The following ZNF568 variants were observed in gnomAD, a reference collection of about 807,000 sequenced individuals.
The protein encoded by ZNF568 is p53 inhibitor of SCO2 activation.
Under a neutral mutation model 18.1 loss-of-function variants are expected in ZNF568, and 11 were observed. The ratio of observed to expected loss-of-function variants is 0.61; its 90% CI spans 0.38 to 1.00. The LOEUF (loss-of-function observed/expected upper bound fraction) is 1.00. Among genes scored for constraint, ZNF568 ranks in the 50% least tolerant of loss-of-function variants. The pLI is 0.01. For synonymous variants in ZNF568, 213 were observed against 246.6 expected (o/e 0.86, Z 1.28); for missense variants, 639 against 768.2 (o/e 0.83, Z 1.99).
chr19:36,917,214 A>G (rs1166256883), intron 1 of ZNF568, among the ~76,000 whole-genome samples: 1 of 152,128 alleles, frequency 6.6e-6, no homozygotes, highest in Non-Finnish European at 1.5e-5. Context: ...TCTGCGCCGC[A>G]TGTGTTCTTT....
intron 6 of ZNF568, among the ~76,000 whole-genome samples, chr19:36,940,683 T>C (rs963694099): frequency 4.6e-5 from 7 of 152,224 alleles, no homozygotes; most frequent in African/African-American, 1.4e-4. Flanking sequence ...GTGAAGTGTC[T>C]ATTTAGTAAA....
chr19:36,994,571 C>T (rs2074453501), intron 4 of ZNF568, among the ~76,000 whole-genome samples: 1 of 152,008 alleles, frequency 6.6e-6, no homozygotes, highest in African/African-American at 2.4e-5. Flanking sequence ...ATATTTTGGG[C>T]CTGTGTTATT....
intron 4 of ZNF568, among the ~76,000 whole-genome samples, chr19:36,929,221 C>T (rs543212): frequency 6.6e-6 from 1 of 151,828 alleles, no homozygotes; most frequent in Admixed American, 6.6e-5. Context: ...TTATTTTAAA[C>T]AATTATATTC....
chr19:36,939,000 C>G (rs539764149), intron 6 of ZNF568, among the ~76,000 whole-genome samples: 1 of 152,188 alleles, frequency 6.6e-6, no homozygotes, highest in Non-Finnish European at 1.5e-5. Context: ...GCTGTAGCCA[C>G]TGTTTACAGA....
exon 5 of ZNF568, chr19:36,996,881 G>C (rs771033410): frequency 6.5e-7 from 1 of 1,539,310 alleles, no homozygotes; most frequent in South Asian, 1.2e-5. Flanking sequence ...CCCTATAAGT[G>C]TAGGGAGTGT....
At position 36,952,669 on chromosome 19, in the gene ZNF568, G is replaced by T; in HGVS notation, c.*1581G>T. 4 of 502,046 alleles carry T rather than the reference G, an allele frequency of 8.0e-6. No homozygotes were observed. Among genetic ancestry groups the T allele is most frequent in the Non-Finnish European group, 1.0e-5 (4 of 388,566 alleles). 31.1% of individuals were successfully genotyped at this position (502,046 alleles called of 1,614,324 possible). A position where few individuals can be genotyped will look rare whatever the true frequency, so the allele number is the denominator to read the frequency against. ...AAAGGAGACTTTAGCTTTGCTTGTA[G>T]TTTTTATACCTTAAAAAGACTGGTA... is the stretch of plus-strand genomic sequence containing the variant. On this transcript the variant is annotated 3_prime_UTR_variant, in exon 7 of 7. Coordinates refer to ENST00000333987, the MANE Select transcript of ZNF568 (RefSeq NM_198539.4).
chr19:36,991,323 C>T (rs1387908755), intron 3 of ZNF568: 6 of 1,519,936 alleles, frequency 3.9e-6, no homozygotes, highest in Non-Finnish European at 5.3e-6. Context: ...CCCCTCCGTA[C>T]ACCCCCTGCC....
downstream of ZNF568, chr19:36,997,276 C>G (rs765523237): frequency 5.0e-6 from 8 of 1,602,422 alleles, no homozygotes; most frequent in South Asian, 8.9e-5. Flanking sequence ...TCAGAGTGTC[C>G]ATACTGGGGA....
At chr19:36,948,000 C>T (rs911488760) in intron 6 of ZNF568, among the ~76,000 whole-genome samples, 8 of 152,208 alleles carry the variant, frequency 5.3e-5, no homozygotes, top group African/African-American at 1.9e-4. Flanking sequence ...TATTATTACA[C>T]AAAGTCCATA....
rs774728162 is a variant in ZNF568, at chr19:36,922,731, G to A, written c.-40G>A. On this transcript the variant is annotated 5_prime_UTR_variant, in exon 3 of 7. Coordinates refer to ENST00000333987, the MANE Select transcript of ZNF568 (RefSeq NM_198539.4). ...GAGAGTGGACCCTGGAGTTGCTGGAGCTTGTCTTGACCCTTCTGCCCAGAG... is the reference window on the plus strand; with the variant it reads ...GAGAGTGGACCCTGGAGTTGCTGGAACTTGTCTTGACCCTTCTGCCCAGAG... 3.1e-6 allele frequency: 5 copies of A among 1,596,034 alleles called. No individual in the cohort carries two copies. The South Asian group carries it at 5.5e-5, about 18-fold the overall frequency.
chr19:36,918,519 C>G (rs2073393384), intron 2 of ZNF568, among the ~76,000 whole-genome samples: 1 of 152,178 alleles, frequency 6.6e-6, no homozygotes, highest in South Asian at 2.1e-4. Context: ...ACAGACACAA[C>G]TGTAGTAGGC....
At chr19:36,948,528 A>G (rs1334617126) in intron 6 of ZNF568, among the ~76,000 whole-genome samples, 1 of 152,166 alleles carries the variant, frequency 6.6e-6, no homozygotes, top group Non-Finnish European at 1.5e-5. Context: ...TTTTGTAAGA[A>G]ACTGCCAGAC....
downstream of ZNF568, among the ~76,000 whole-genome samples, chr19:36,954,125 G>A (rs1011880787): frequency 6.6e-6 from 1 of 152,096 alleles, no homozygotes; most frequent in Non-Finnish European, 1.5e-5. Context: ...TCAGGAGGCT[G>A]AGGCAGGAGA....
chr19:36,980,698 C>T (rs2074324216), downstream of ZNF568, among the ~76,000 whole-genome samples: 1 of 152,190 alleles, frequency 6.6e-6, no homozygotes, highest in African/African-American at 2.4e-5. Flanking sequence ...TGATGTTTGG[C>T]AGTACACCCA....
chr19:36,970,714 A>G (rs1156960943), intron 6 of ZNF568, among the ~76,000 whole-genome samples: 1 of 152,196 alleles, frequency 6.6e-6, no homozygotes, highest in African/African-American at 2.4e-5. Context: ...AATACATTGA[A>G]TAATCATTAT....
intron 4 of ZNF568, among the ~76,000 whole-genome samples, chr19:36,933,509 C>T (rs1378209157): frequency 6.6e-6 from 1 of 151,692 alleles, no homozygotes; most frequent in African/African-American, 2.4e-5. Context: ...GGTTTTTGAC[C>T]TTTATTATAT....
At chr19:36,955,676 A>G (rs531716001), downstream of ZNF568, among the ~76,000 whole-genome samples, 3 of 152,348 alleles carry the variant, frequency 2.0e-5, no homozygotes, top group Non-Finnish European at 2.9e-5. Flanking sequence ...TTCAAACTTC[A>G]TAAGAGGTTC....
intron 4 of ZNF568, among the ~76,000 whole-genome samples, chr19:36,992,489 G>A (rs572555466): frequency 2.6e-5 from 4 of 152,036 alleles, no homozygotes; most frequent in Admixed American, 2.0e-4. Flanking sequence ...GTGACAAAGC[G>A]AGACTCCATC....
At chr19:36,957,219 CTTTTTTTTTTTTTT>C (rs56712509), downstream of ZNF568, among the ~76,000 whole-genome samples, 5 of 69,570 alleles carry the variant, frequency 7.2e-5, no homozygotes, top group Admixed American at 6.7e-4. Context: ...CCAGACTGTT[CTTTTTTTTTTTTTT>C]TTTTTTTTTT....
Sources: allele counts gnomAD v4.1 joint callset (sites outside exome capture counted in the v4.1 genomes callset), GRCh38; gene constraint gnomAD v4.1.1; transcripts MANE v1.5; gene names NCBI Gene and HGNC (gene_info 2026-07-23, HGNC 2026-07-21).